Variants in DLAT observed in about 807,000 individuals in gnomAD.
DLAT encodes the protein dihydrolipoamide S-acetyltransferase.
Under a neutral mutation model 68.0 loss-of-function variants are expected in DLAT, and 43 were observed. The ratio of observed to expected loss-of-function variants is 0.63; its 90% CI spans 0.50 to 0.81. The LOEUF is 0.81. DLAT is among the 40% of genes least tolerant of loss of function. The pLI is 0.00. For synonymous variants in DLAT, 265 were observed against 288.6 expected (o/e 0.92, Z 0.83); for missense variants, 745 against 815.4 (o/e 0.91, Z 1.05).
intron 10 of DLAT, among the ~76,000 whole-genome samples, chr11:112,050,741 C>T (rs1555181893): frequency 6.6e-6 from 1 of 152,136 alleles, no homozygotes; most frequent in African/African-American, 2.4e-5. Context: ...TCTAACTAAA[C>T]ATTTATCATT....
At chr11:112,054,151 A>G (rs1863852067) in intron 11 of DLAT, among the ~76,000 whole-genome samples, 1 of 151,646 alleles carries the variant, frequency 6.6e-6, no homozygotes, top group African/African-American at 2.4e-5. Flanking sequence ...TCTGCTAAAA[A>G]TACAAAAAAA....
At chr11:112,045,452 C>CA (rs1555181389) in intron 9 of DLAT, among the ~76,000 whole-genome samples, 51 of 152,272 alleles carry the variant, frequency 3.3e-4, no homozygotes, top group Non-Finnish European at 1.3e-4. Flanking sequence ...CTTTGGGAGG[C>CA]CAAAGCGGGC....
At chr11:112,062,295 G>T in intron 13 of DLAT, 111 bp from the exon 14 acceptor site, 1 of 1,131,878 alleles carries the variant, frequency 8.8e-7, no homozygotes. Flanking sequence ...AGAGTAGATA[G>T]GAAGTATTAC....
intron 5 of DLAT, 91 bp from the exon 6 acceptor site, chr11:112,037,182 G>A: frequency 6.2e-6 from 8 of 1,300,404 alleles, no homozygotes; most frequent in Non-Finnish European, 8.8e-6. Context: ...TAGCTTGAAT[G>A]AGAAAAATCA....
intron 11 of DLAT, among the ~76,000 whole-genome samples, chr11:112,056,865 T>G (rs1555182667): frequency 6.6e-6 from 1 of 152,230 alleles, no homozygotes; most frequent in East Asian, 1.9e-4. Flanking sequence ...GTGAGAACCA[T>G]CTACTTGTGA....
chr11:112,044,664 G>A (rs989994231), intron 8 of DLAT, among the ~76,000 whole-genome samples: 2 of 151,990 alleles, frequency 1.3e-5, no homozygotes, highest in Non-Finnish European at 2.9e-5. Flanking sequence ...AGAATTCTAA[G>A]TAAAAAAATT....
At chr11:112,050,322 C>CT (rs781892275) in intron 10 of DLAT, among the ~76,000 whole-genome samples, 91 of 140,518 alleles carry the variant, frequency 6.5e-4, no homozygotes, top group Admixed American at 1.3e-3. Flanking sequence ...TTAGTGTGTA[C>CT]TTTTTTTTTT....
chr11:112,032,585 G>A (rs940788346), intron 4 of DLAT: 18 of 151,946 alleles, frequency 1.2e-4, no homozygotes, highest in Non-Finnish European at 2.2e-4. Context: ...TATATGTGTT[G>A]CTGAAGCGAG....
rs1566620741 is a variant in DLAT, at chr11:112,039,275, T to C, written c.1007T>C (p.Leu336Ser). ...GCTGTTCCTCCAACTCCCCAGCCTT[T>C]AGCTCCTACACCTTCAGCACCCTGC... ...VAAVPPTPQP[L>S]APTPSAPCPA... is the part of the protein sequence containing the mutation. The change falls in exon 7 of 14, where the codon TTA becomes TCA. Residue 336 changes from leucine to serine, a missense_variant. Leu to Ser is a moderately radical substitution (Grantham distance 145). Transcript: ENST00000280346. 1.1e-5 allele frequency: 18 copies of C among 1,614,160 alleles called. No individual in the cohort carries two copies. The highest frequency in any genetic ancestry group is 2.2e-5 in the South Asian group (2 of 91,084).
At chr11:112,030,320 A>C in intron 4 of DLAT, 1 of 524,266 alleles carries the variant, frequency 1.9e-6, no homozygotes, top group Non-Finnish European at 3.8e-6. Flanking sequence ...CATTGCTGAC[A>C]TCAAAGAACA....
chr11:112,051,190 T>C lies in DLAT; in HGVS notation c.1399-44T>C. On this transcript the variant is annotated intron_variant, in intron 10 of 13. Coordinates refer to ENST00000280346, the MANE Select transcript of DLAT (RefSeq NM_001931.5). The surrounding 1 kb of genome is among the most constrained non-coding windows in gnomAD (Gnocchi z 4.3). ...GCACCCTGAAACTTAAAATTAAAAT[T>C]AAAATTAAAAAAGAAGAAACTACAG... The C allele has an allele frequency of 7.5e-7, 1 of 1,338,128 alleles. No homozygotes were observed. The highest frequency in any genetic ancestry group is 1.0e-6 in the Non-Finnish European group (1 of 954,234). The allele number at this position is 1,338,128 out of a possible 1,614,324, so 82.9% of individuals were successfully genotyped here.
At chr11:112,034,779 C>CTT (rs1194424480) in intron 5 of DLAT, among the ~76,000 whole-genome samples, 1 of 140,374 alleles carries the variant, frequency 7.1e-6, no homozygotes, top group African/African-American at 2.6e-5. Flanking sequence ...CCCGCTTTTT[C>CTT]TTTTTTTTTT....
chr11:112,050,559 T>C (rs1863559701), intron 10 of DLAT, among the ~76,000 whole-genome samples: 1 of 152,208 alleles, frequency 6.6e-6, no homozygotes, highest in Non-Finnish European at 1.5e-5. Context: ...TTGTTAGTTA[T>C]AGGTCTATTC....
At chr11:112,046,972 G>A (rs906441490) in intron 10 of DLAT, among the ~76,000 whole-genome samples, 3 of 152,266 alleles carry the variant, frequency 2.0e-5, no homozygotes, top group Middle Eastern at 3.4e-3. Context: ...ATAATCCTTT[G>A]GGTCTATACC....
chr11:112,045,372 C>G, intron 9 of DLAT, 142 bp downstream of exon 9: 1 of 751,750 alleles, frequency 1.3e-6, no homozygotes, highest in Non-Finnish European at 2.3e-6. Flanking sequence ...TTTTGGCCAA[C>G]TGAATACTTG....
At chr11:112,039,957 A>G (rs1219683026) in intron 7 of DLAT, among the ~76,000 whole-genome samples, 2 of 152,230 alleles carry the variant, frequency 1.3e-5, no homozygotes, top group African/African-American at 2.4e-5. Context: ...ATAATTTTCT[A>G]TGTAATATGT....
intron 4 of DLAT, among the ~76,000 whole-genome samples, chr11:112,032,275 A>G (rs1381155673): frequency 6.6e-6 from 1 of 152,044 alleles, no homozygotes; most frequent in African/African-American, 2.4e-5. Flanking sequence ...CAAAAAAAAA[A>G]AAAATTATCA....
chr11:112,059,074 C>A (rs73568049), intron 11 of DLAT, among the ~76,000 whole-genome samples: 12,570 of 151,776 alleles, frequency 0.083, 1,549 homozygotes, highest in African/African-American at 0.27. Context: ...AAGATTGGGA[C>A]CCCTTACTTT....
At chr11:112,034,447 T>A (rs1555180210) in intron 5 of DLAT, among the ~76,000 whole-genome samples, 2 of 143,944 alleles carry the variant, frequency 1.4e-5, no homozygotes, top group Non-Finnish European at 3.1e-5. Context: ...ATTATTATTA[T>A]TTTTTTTTTT....
Sources: gnomAD v4.1 joint callset for allele counts (sites outside exome capture counted in the v4.1 genomes callset) on GRCh38, gnomAD v4.1.1 for gene constraint, Gnocchi (gnomAD v3.1) non-coding constraint, MANE v1.5 for transcripts, NCBI Gene and HGNC (gene_info 2026-07-23, HGNC 2026-07-21) for gene names.